Variants in YPEL2 observed in about 807,000 individuals in gnomAD.
YPEL2 encodes the protein yippee like 2.
In YPEL2, 2 loss-of-function variants were observed where a neutral mutation model predicts 19.1. That is an observed-to-expected ratio of 0.10 (90% CI 0.04 to 0.33). The LOEUF (loss-of-function observed/expected upper bound fraction) is 0.33. YPEL2 is among the 10% of genes least tolerant of loss of function. YPEL2 has a pLI of 1.00. For synonymous variants in YPEL2, 52 were observed against 50.0 expected (o/e 1.04, Z -0.17); for missense variants, 66 against 140.7 (o/e 0.47, Z 2.68).
intron 3 of YPEL2, chr17:59,389,066 C>T (rs1261805459): frequency 2.5e-6 from 1 of 395,382 alleles, no homozygotes; most frequent in East Asian, 4.9e-5. Flanking sequence ...TCAGCTTGTC[C>T]CCCTAAGTCA....
chr17:59,374,229 G>A (rs925964947), intron 2 of YPEL2, among the ~76,000 whole-genome samples: 8 of 152,194 alleles, frequency 5.3e-5, no homozygotes, highest in Admixed American at 2.0e-4. Context: ...TCCATTTCTA[G>A]AGGGAATACC....
chr17:59,344,329 A>G (rs556267828), intron 1 of YPEL2, among the ~76,000 whole-genome samples: 11 of 152,344 alleles, frequency 7.2e-5, no homozygotes, highest in African/African-American at 2.6e-4. Context: ...GCCAAGAACG[A>G]TGGAAGGAGA....
chr17:59,361,320 C>G (rs2047839771), intron 2 of YPEL2, among the ~76,000 whole-genome samples: 1 of 152,154 alleles, frequency 6.6e-6, no homozygotes, highest in African/African-American at 2.4e-5. Context: ...CGTGCATGCA[C>G]ATAGCACTAT....
intron 1 of YPEL2, among the ~76,000 whole-genome samples, chr17:59,332,441 A>C (rs1023738796): frequency 1.5e-4 from 23 of 151,972 alleles, no homozygotes; most frequent in African/African-American, 5.3e-4. Flanking sequence ...TGTCCTTGCC[A>C]AGGGGGTGGG....
intron 1 of YPEL2, among the ~76,000 whole-genome samples, 168 bp downstream of exon 1, chr17:59,331,992 G>A (rs1185946600): frequency 3.3e-5 from 5 of 151,576 alleles, no homozygotes; most frequent in Non-Finnish European, 5.9e-5. Flanking sequence ...TGGGCGCCGG[G>A]GACGGGGAGC....
At chr17:59,335,216 G>A (rs1474713189) in intron 1 of YPEL2, among the ~76,000 whole-genome samples, 2 of 152,208 alleles carry the variant, frequency 1.3e-5, no homozygotes, top group African/African-American at 4.8e-5. Context: ...TTGAGTCTGT[G>A]AAGTATTGTA....
rs147848742 is a variant in YPEL2 at position 59,360,374 on chromosome 17, C to T, written c.117+6848C>T. ...GATTACAGACGTGAGCCACTGCGCC[C>T]GGCCGTGTTAGTGATTCTTAGACAT... On this transcript the variant is annotated intron_variant, in intron 2 of 4. Coordinates refer to ENST00000312655, the MANE Select transcript of YPEL2 (RefSeq NM_001005404.4). Among the ~76,000 whole-genome samples, 322 of 152,302 alleles carry T rather than the reference C, an allele frequency of 2.1e-3. 3 individuals are homozygous for T. The highest frequency in any genetic ancestry group is 3.2e-3 in the Non-Finnish European group (216 of 68,030).
At chr17:59,332,614 T>G (rs561750306) in intron 1 of YPEL2, among the ~76,000 whole-genome samples, 6 of 151,816 alleles carry the variant, frequency 4.0e-5, no homozygotes, top group Admixed American at 3.9e-4. Context: ...TCTCCGGTCT[T>G]GGGGGCGTGC....
At chr17:59,341,151 C>T (rs1026383062) in intron 1 of YPEL2, among the ~76,000 whole-genome samples, 1 of 150,118 alleles carries the variant, frequency 6.7e-6, no homozygotes, top group African/African-American at 2.4e-5. Flanking sequence ...ATGGCGAAAC[C>T]CCTGTAATCC....
chr17:59,389,238 C>T, intron 3 of YPEL2, 122 bp from the exon 4 acceptor site: 1 of 785,692 alleles, frequency 1.3e-6, no homozygotes, highest in South Asian at 1.6e-5. Flanking sequence ...TAGATCTGCT[C>T]AGCTCAGGGT....
chr17:59,359,150 C>T (rs2047828184), intron 2 of YPEL2, among the ~76,000 whole-genome samples: 1 of 152,136 alleles, frequency 6.6e-6, no homozygotes, highest in Non-Finnish European at 1.5e-5. Flanking sequence ...TCTCAAACTC[C>T]TGACCTCCAG....
In YPEL2 at chr17:59,353,562, G is replaced by A. The variant is rs143636879; in HGVS notation, c.117+36G>A. 209 of 1,510,454 alleles carry A rather than the reference G, an allele frequency of 1.4e-4. No individual in the cohort carries two copies. The East Asian group carries it at 3.3e-3, about 24-fold the overall frequency. The allele number at this position is 1,510,454 out of a possible 1,614,324, so 93.6% of individuals were successfully genotyped here. On this transcript the variant is annotated intron_variant, in intron 2 of 4. Coordinates refer to ENST00000312655, the MANE Select transcript of YPEL2 (RefSeq NM_001005404.4). This position sits in a 1 kb window ranked among gnomAD's most constrained non-coding sequence, Gnocchi z 4.8. ...CCAGCAGGCCTTCCTTGCCTACCCC[G>A]GGGAGGGCGCTTAGTGCTCCTGAAG...
intron 1 of YPEL2, among the ~76,000 whole-genome samples, chr17:59,341,145 C>T (rs1393014180): frequency 2.0e-5 from 3 of 150,538 alleles, no homozygotes; most frequent in East Asian, 2.0e-4. Flanking sequence ...GCCAACATGG[C>T]GAAACCCCTG....
chr17:59,377,288 C>G (rs1046115594), intron 2 of YPEL2, among the ~76,000 whole-genome samples: 1 of 152,174 alleles, frequency 6.6e-6, no homozygotes, highest in African/African-American at 2.4e-5. Context: ...CAGTTGTTTT[C>G]AAGGGCCCGA....
intron 1 of YPEL2, among the ~76,000 whole-genome samples, chr17:59,332,731 G>A (rs1045128517): frequency 6.6e-6 from 1 of 152,174 alleles, no homozygotes; most frequent in Non-Finnish European, 1.5e-5. Flanking sequence ...CGAGTGTCTT[G>A]TTTTCCTCCG....
chr17:59,370,202 A>G (rs1362564409), intron 2 of YPEL2, among the ~76,000 whole-genome samples: 1 of 152,132 alleles, frequency 6.6e-6, no homozygotes, highest in Non-Finnish European at 1.5e-5. Context: ...AGCTGGGACT[A>G]CAGGCGCCTG....
chr17:59,392,151 GC>G (rs2048010633), intron 4 of YPEL2, among the ~76,000 whole-genome samples: 2 of 152,124 alleles, frequency 1.3e-5, no homozygotes, highest in Admixed American at 1.3e-4. Context: ...GAAAAGTTCT[GC>G]CCCTGCCCCT....
At chr17:59,348,578 T>C (rs1007275900) in intron 1 of YPEL2, among the ~76,000 whole-genome samples, 2 of 152,260 alleles carry the variant, frequency 1.3e-5, no homozygotes, top group Non-Finnish European at 2.9e-5. Context: ...TTTTTAATCA[T>C]AATATCTCAC....
chr17:59,332,080 C>A (rs1191721929), intron 1 of YPEL2, among the ~76,000 whole-genome samples: 3 of 151,934 alleles, frequency 2.0e-5, no homozygotes, highest in Non-Finnish European at 4.4e-5. Context: ...CCCAAGGGCG[C>A]GGGACCCCCG....
Sources: allele counts gnomAD v4.1 joint callset (sites outside exome capture counted in the v4.1 genomes callset), GRCh38; gene constraint gnomAD v4.1.1; non-coding constraint Gnocchi (gnomAD v3.1); transcripts MANE v1.5; gene names NCBI Gene and HGNC (gene_info 2026-07-23, HGNC 2026-07-21).